LRIG2: variants seen among roughly 807,000 people sequenced by gnomAD.
LRIG2 encodes leucine rich repeats and immunoglobulin like domains 2.
Under a neutral mutation model 107.8 loss-of-function variants are expected in LRIG2, and 93 were observed. That is an observed-to-expected ratio of 0.86 (90% CI 0.73 to 1.03). LRIG2 has a LOEUF of 1.03. Ranked by LOEUF, LRIG2 falls within the 50% of genes least tolerant of loss-of-function variation. The probability of loss-of-function intolerance (pLI) is 0.00; values close to 1 mark genes in which losing one functional copy is unlikely to be tolerated. For synonymous variants in LRIG2, 471 were observed against 470.6 expected, an observed-to-expected ratio of 1.00 and a Z score of -0.01; for missense variants, 1,226 against 1,296.0, an observed-to-expected ratio of 0.95 and a Z score of 0.83.
At position 113,093,436 on chromosome 1, in the gene LRIG2, T is replaced by C; in HGVS notation, c.387T>C (p.His129=). The part of the protein sequence containing the change: ...TSNITLLSLV[H]NIIPEINAQA... ...TATAATCTTTGTTTTACAGAGTCCA[T>C]AATATAATCCCAGAAATAAATGCAC... Residue 129 remains histidine (H), a synonymous_variant, in exon 4 of 18, where the codon CAT becomes CAC. Transcript: ENST00000361127. 1 of 1,613,886 alleles carries C rather than the reference T, an allele frequency of 6.2e-7. No homozygotes were observed. Among genetic ancestry groups the C allele is most frequent in the South Asian group, 1.1e-5 (1 of 91,070 alleles).
At chr1:113,080,446 C>T (rs1173519516) in intron 1 of LRIG2, among the ~76,000 whole-genome samples, 2 of 151,098 alleles carry the variant, frequency 1.3e-5, no homozygotes, top group East Asian at 4.0e-4. Context: ...GTGGCGCAAT[C>T]TCGGCTCACT....
chr1:113,109,909 C>T lies in LRIG2; in HGVS notation c.1478-333C>T, dbSNP rs192150387. Among the ~76,000 whole-genome samples the T allele has an allele frequency of 4.2e-4, 64 of 152,156 alleles. 1 individual carries two copies. The highest frequency in any genetic ancestry group is 3.5e-3 in the Admixed American group (54 of 15,266). ...TCCTAATATAAGGTTTCTGTTTTTC[C>T]CCAATAACTGATAATGCTTGAGAAA... On this transcript the variant is annotated intron_variant, in intron 12 of 17. Transcript: ENST00000361127.
chr1:113,091,539 G>T (rs1377396989), intron 2 of LRIG2, among the ~76,000 whole-genome samples, 156 bp downstream of exon 2: 1 of 152,154 alleles, frequency 6.6e-6, no homozygotes, highest in Admixed American at 6.6e-5. Context: ...GTTTTCTTTG[G>T]CTTTGTTATT....
At chr1:113,119,628 G>A (rs1434553524) in intron 17 of LRIG2, 105 bp downstream of exon 17, 2 of 960,982 alleles carry the variant, frequency 2.1e-6, no homozygotes, top group Non-Finnish European at 3.1e-6. Context: ...CAAGCAGATG[G>A]GTATATAGGA....
At chr1:113,091,124 G>C (rs1339817097) in intron 1 of LRIG2, among the ~76,000 whole-genome samples, 194 bp from the exon 2 acceptor site, 3 of 151,964 alleles carry the variant, frequency 2.0e-5, no homozygotes, top group African/African-American at 7.2e-5. Flanking sequence ...AGTAGAGATG[G>C]TGTTTGCCAG....
chr1:113,119,447 C>G lies in LRIG2; in HGVS notation c.2895C>G (p.Asn965Lys). The G allele has an allele frequency of 6.8e-6, 11 of 1,614,172 alleles. No individual in the cohort carries two copies. The highest frequency in any genetic ancestry group is 9.3e-6 in the Non-Finnish European group (11 of 1,180,032). Residue 965 changes from asparagine to lysine, a missense_variant, in exon 17 of 18, where the codon AAC becomes AAG. This residue lies in a region of LRIG2 where 642 missense variants were observed against 712.2 expected (regional missense o/e 0.90). Transcript: ENST00000361127. The stretch of plus-strand genomic sequence containing the variant: ...TAGAGAGCCTGATACCGTCAGCCAA[C>G]AGAGAGCCATCTGCCTTTCCCACCA... The part of the protein sequence containing the change: ...TALESLIPSA[N>K]REPSAFPTNH...
chr1:113,120,819 GTTTT>G (rs945726017), intron 17 of LRIG2, among the ~76,000 whole-genome samples: 2 of 140,088 alleles, frequency 1.4e-5, no homozygotes, highest in Non-Finnish European at 3.1e-5. Flanking sequence ...CTACTGAGAA[GTTTT>G]TTTTTTTTTA....
chr1:113,105,398 T>C (rs1324422891), intron 11 of LRIG2, among the ~76,000 whole-genome samples: 4 of 152,192 alleles, frequency 2.6e-5, no homozygotes, highest in South Asian at 4.1e-4. Flanking sequence ...CTCTCCCTCT[T>C]GGTTTAGTGG....
chr1:113,107,328 A>T (rs1381865918), intron 11 of LRIG2, among the ~76,000 whole-genome samples: 1 of 152,174 alleles, frequency 6.6e-6, no homozygotes, highest in Non-Finnish European at 1.5e-5. Context: ...ATCAAGGATC[A>T]CACATTTCAT....
Position 113,129,192 on chromosome 1 carries a change from T to G in LRIG2, c.*5091T>G, listed in dbSNP as rs1397248532. On this transcript the variant is annotated 3_prime_UTR_variant, in exon 18 of 18. Transcript: ENST00000361127. ...TGGGCGTGGTGGTGCGCGCCTGTAG[T>G]CCTAGCTGCTCGGGAGGCTAAGGCA... 6.6e-6 allele frequency: 1 copy of G among 151,482 alleles called. No homozygotes were observed. Among genetic ancestry groups the G allele is most frequent in the African/African-American group, 2.4e-5 (1 of 41,258 alleles). 9.4% of individuals were successfully genotyped at this position (151,482 alleles called of 1,614,324 possible). A position where few individuals can be genotyped will look rare whatever the true frequency, so the allele number is the denominator to read the frequency against.
chr1:113,079,607 C>A (rs776413497), intron 1 of LRIG2, among the ~76,000 whole-genome samples: 3 of 142,560 alleles, frequency 2.1e-5, no homozygotes, highest in South Asian at 4.5e-4. Flanking sequence ...CGCTTGAGCC[C>A]GGGAGGCAGA....
Position 113,094,495 on chromosome 1 carries a change from A to G in LRIG2, c.659+13A>G. 6.2e-7 allele frequency: 1 copy of G among 1,600,550 alleles called. No individual in the cohort carries two copies. The highest frequency in any genetic ancestry group is 8.5e-7 in the Non-Finnish European group (1 of 1,176,512). On this transcript the variant is annotated intron_variant, in intron 5 of 17. Coordinates refer to ENST00000361127, the MANE Select transcript of LRIG2 (RefSeq NM_014813.3). ...ACCTCCAATTCTTGTGAGTAACGAAATAGACGGATTATAAGAAGATAGTTT... is the reference window on the plus strand; with the variant it reads ...ACCTCCAATTCTTGTGAGTAACGAAGTAGACGGATTATAAGAAGATAGTTT...
chr1:113,113,719 C>T (rs1267278931), intron 14 of LRIG2, among the ~76,000 whole-genome samples: 2 of 151,870 alleles, frequency 1.3e-5, no homozygotes, highest in African/African-American at 4.8e-5. Flanking sequence ...TGTACCACTG[C>T]GCCCAGCTAA....
chr1:113,124,144 A>T lies in LRIG2; in HGVS notation c.*43A>T, dbSNP rs765613010. The T allele has an allele frequency of 6.4e-7, 1 of 1,563,024 alleles. No individual in the cohort carries two copies. The highest frequency in any genetic ancestry group is 1.7e-5 in the Admixed American group (1 of 59,274). On this transcript the variant is annotated 3_prime_UTR_variant, in exon 18 of 18. Transcript: ENST00000361127. Reference sequence around the variant, plus strand: ...AATCTGGGCAGAGACTTATTAATTAATTTTGCATTTACTACCTCAGAGCTC... The same window carrying T: ...AATCTGGGCAGAGACTTATTAATTATTTTTGCATTTACTACCTCAGAGCTC...
chr1:113,097,869 T>C (rs1237099145), intron 8 of LRIG2, among the ~76,000 whole-genome samples: 2 of 152,170 alleles, frequency 1.3e-5, no homozygotes, highest in Non-Finnish European at 2.9e-5. Flanking sequence ...GGTTCTTTCA[T>C]TATTTATTCC....
chr1:113,129,958 G>A lies in LRIG2; in HGVS notation c.*5857G>A, dbSNP rs899546130. ...CAGGCTGGAGTGCAATGGTGTGAAC[G>A]TGGCTCACTGTCGTCACTGCAGCCT... On this transcript the variant is annotated 3_prime_UTR_variant, in exon 18 of 18. Transcript: ENST00000361127. 1.3e-5 allele frequency: 2 copies of A among 152,042 alleles called. No individual in the cohort carries two copies. The highest frequency in any genetic ancestry group is 6.6e-5 in the Admixed American group (1 of 15,262). 9.4% of individuals were successfully genotyped at this position (152,042 alleles called of 1,614,324 possible). A position where few individuals can be genotyped will look rare whatever the true frequency, so the allele number is the denominator to read the frequency against.
In LRIG2 at chr1:113,119,186, A is replaced by G. The variant is rs1333271615; in HGVS notation, c.2681-47A>G. 8 of 1,563,994 alleles carry G rather than the reference A, an allele frequency of 5.1e-6. No homozygotes were observed. In the Admixed American group the frequency reaches 1.5e-4, roughly 29 times the overall value. On this transcript the variant is annotated intron_variant, in intron 16 of 17. Coordinates refer to ENST00000361127, the MANE Select transcript of LRIG2 (RefSeq NM_014813.3). ...GAAGAAAACTGACGATTGGCAAAAA[A>G]TAATTCCTTAACAGAAAGATATTTA...
chr1:113,093,663 A>T, intron 4 of LRIG2, 99 bp downstream of exon 4: 1 of 671,836 alleles, frequency 1.5e-6, no homozygotes, highest in East Asian at 4.0e-5. Context: ...TGGGAGATAT[A>T]CCTAATGCTA....
rs11321902 is a variant in LRIG2 at position 113,083,218 on chromosome 1, C to CTTT, written c.240-8083_240-8081dup. On this transcript the variant is annotated intron_variant, in intron 1 of 17. Coordinates refer to ENST00000361127, the MANE Select transcript of LRIG2 (RefSeq NM_014813.3). ...AGGCACCATGCTTGGCTACTGCACACTTTTTTTTTTTTTTTTTTTGATATG... is the reference window on the plus strand; with the variant it reads ...AGGCACCATGCTTGGCTACTGCACACTTTTTTTTTTTTTTTTTTTTTTGATATG... 1.1e-3 allele frequency among the ~76,000 whole-genome samples: 122 copies of CTTT among 112,340 alleles called. 1 individual carries two copies. The highest frequency in any genetic ancestry group is 3.6e-3 in the African/African-American group (115 of 31,756). The allele number at this position is 112,340 out of a possible 152,430, so 73.7% of individuals were successfully genotyped here. A position where few individuals can be genotyped will look rare whatever the true frequency, so the allele number is the denominator to read the frequency against.
Sources: allele counts gnomAD v4.1 joint callset (sites outside exome capture counted in the v4.1 genomes callset), GRCh38; gene constraint gnomAD v4.1.1; regional missense constraint gnomAD v4.1.1; transcripts MANE v1.5; gene names NCBI Gene and HGNC (gene_info 2026-07-23, HGNC 2026-07-21).